Variants in C12orf56 observed in about 807,000 individuals in gnomAD.
The protein encoded by C12orf56 is uncharacterized protein C12orf56.
C12orf56 carries 71 observed loss-of-function variants against 69.9 expected under a neutral mutation model. The ratio of observed to expected loss-of-function variants is 1.02; its 90% confidence interval spans 0.84 to 1.24. C12orf56 has a LOEUF of 1.24. Among genes scored for constraint, C12orf56 ranks in the 50% most tolerant of loss-of-function variants. C12orf56 has a pLI of 0.00. For missense variants in C12orf56, 732 were observed against 738.5 expected, an observed-to-expected ratio of 0.99 and a Z score of 0.10; for synonymous variants, 276 against 274.1, an observed-to-expected ratio of 1.01 and a Z score of -0.07.
chr12:64,364,941 C>G (rs917678742), intron 1 of C12orf56, among the ~76,000 whole-genome samples: 2 of 152,024 alleles, frequency 1.3e-5, no homozygotes, highest in East Asian at 3.9e-4. Flanking sequence ...GCCCACTGCC[C>G]CATCCTTCCT....
chr12:64,303,180 A>G (rs1794345399), intron 6 of C12orf56, among the ~76,000 whole-genome samples: 1 of 151,862 alleles, frequency 6.6e-6, no homozygotes, highest in African/African-American at 2.4e-5. Flanking sequence ...AGGCTGAGGT[A>G]AGAGAATGGC....
Position 64,273,123 on chromosome 12 carries a change from G to A in C12orf56, c.1584+1778C>T, listed in dbSNP as rs944021988. ...AGCCTGGGCAACATGGCGAAACCCC[G>A]TCTGTACTAAAAAATACAAAATTTA... On this transcript the variant is annotated intron_variant, in intron 11 of 12. Transcript: ENST00000543942. Among the ~76,000 whole-genome samples the A allele has an allele frequency of 4.6e-5, 7 of 152,052 alleles. No individual in the cohort carries two copies. The East Asian group carries it at 5.8e-4, about 13-fold the overall frequency.
At chr12:64,331,599 T>A (rs1198736591) in intron 2 of C12orf56, among the ~76,000 whole-genome samples, 1 of 152,184 alleles carries the variant, frequency 6.6e-6, no homozygotes, top group African/African-American at 2.4e-5. Flanking sequence ...AGTACCCTTA[T>A]AAAAGGTTGA....
At chr12:64,308,967 G>GAAAGAAAGAAAGA (rs1565749107) in intron 5 of C12orf56, among the ~76,000 whole-genome samples, 6 of 117,294 alleles carry the variant, frequency 5.1e-5, no homozygotes, top group African/African-American at 1.6e-4. Flanking sequence ...AAGAAAGAAA[G>GAAAGAAAGAAAGA]AAAGAAAAGA....
intron 2 of C12orf56, among the ~76,000 whole-genome samples, chr12:64,345,212 G>T (rs2039124600): frequency 6.6e-6 from 1 of 152,162 alleles, no homozygotes; most frequent in Admixed American, 6.5e-5. Context: ...GGAACATTGG[G>T]GGGTGGGTCC....
intron 2 of C12orf56, among the ~76,000 whole-genome samples, chr12:64,344,586 G>T (rs1232296596): frequency 1.3e-5 from 2 of 152,118 alleles, no homozygotes; most frequent in Non-Finnish European, 2.9e-5. Context: ...GCCACCTCGG[G>T]ATCCAATTAT....
chr12:64,372,876 T>G (rs1017948383), intron 1 of C12orf56, among the ~76,000 whole-genome samples: 1 of 152,146 alleles, frequency 6.6e-6, no homozygotes, highest in Admixed American at 6.6e-5. Context: ...AAGCACATGC[T>G]TTTCCCTCCT....
chr12:64,312,776 T>C lies in C12orf56; in HGVS notation c.895-24A>G, dbSNP rs367846235. 1,190 of 1,496,138 alleles carry C rather than the reference T, an allele frequency of 8.0e-4. 7 individuals are homozygous for C. Among genetic ancestry groups the C allele is most frequent in the Middle Eastern group, 2.9e-3 (17 of 5,890 alleles). 92.7% of individuals were successfully genotyped at this position (1,496,138 alleles called of 1,614,324 possible). On this transcript the variant is annotated intron_variant, in intron 4 of 12. Coordinates refer to ENST00000543942, the MANE Select transcript of C12orf56 (RefSeq NM_001170633.2). ...TTCTGAAAAAGGAAAAAGTAGAAAT[T>C]GTTAGAATTTTTATTTACTGAAGAT...
At chr12:64,270,319 C>T (rs549814195) in intron 12 of C12orf56, among the ~76,000 whole-genome samples, 103 of 151,026 alleles carry the variant, frequency 6.8e-4, no homozygotes, top group African/African-American at 2.2e-3. Context: ...GAGAATTGCT[C>T]AAATCTGGGA....
At chr12:64,325,849 G>A (rs770935622) in intron 3 of C12orf56, among the ~76,000 whole-genome samples, 2 of 152,146 alleles carry the variant, frequency 1.3e-5, no homozygotes, top group Non-Finnish European at 2.9e-5. Context: ...TACAGTCTAG[G>A]TAAATGAATT....
chr12:64,371,160 G>C (rs375408934), intron 1 of C12orf56, among the ~76,000 whole-genome samples: 30 of 152,312 alleles, frequency 2.0e-4, no homozygotes, highest in Admixed American at 6.5e-4. Context: ...CGAGCACTTT[G>C]GGAGGCCGAG....
At chr12:64,278,609 C>G (rs537686236) in intron 8 of C12orf56, among the ~76,000 whole-genome samples, 59 of 152,178 alleles carry the variant, frequency 3.9e-4, no homozygotes, top group African/African-American at 1.4e-3. Flanking sequence ...ATAGTGAGAA[C>G]ACAAAATCTA....
chr12:64,345,788 T>C (rs73311866), intron 2 of C12orf56, among the ~76,000 whole-genome samples: 2,136 of 152,338 alleles, frequency 0.014, 52 homozygotes, highest in African/African-American at 0.049. Context: ...AGCTTCATTA[T>C]GTTCCTTGGT....
At position 64,390,588 on chromosome 12, in the gene C12orf56, G is replaced by A. The variant is rs2039857481; in HGVS notation, c.-23C>T. On this transcript the variant is annotated 5_prime_UTR_variant, in exon 1 of 13. Transcript: ENST00000543942. ...CATGCCCGGCGCCCGCAGCGTGGCG[G>A]AGTGCTGGGACTCGAGGCCCTCAGC... The A allele has an allele frequency of 2.6e-6, 4 of 1,531,234 alleles. No homozygotes were observed. The highest frequency in any genetic ancestry group is 1.4e-5 in the African/African-American group (1 of 72,380). The allele number at this position is 1,531,234 out of a possible 1,614,324, so 94.9% of individuals were successfully genotyped here.
chr12:64,317,236 C>T (rs1029389719), intron 4 of C12orf56, among the ~76,000 whole-genome samples: 1 of 151,820 alleles, frequency 6.6e-6, no homozygotes, highest in Non-Finnish European at 1.5e-5. Flanking sequence ...AATTTTTAGC[C>T]GTTTATAAAA....
chr12:64,311,438 A>G (rs1447529374), intron 5 of C12orf56, among the ~76,000 whole-genome samples: 1 of 151,096 alleles, frequency 6.6e-6, no homozygotes, highest in Non-Finnish European at 1.5e-5. Context: ...AAACAGAAAG[A>G]AAAAAAAAGT....
At chr12:64,270,287 A>G (rs1865789) in intron 12 of C12orf56, among the ~76,000 whole-genome samples, 141,129 of 152,042 alleles carry the variant, frequency 0.93, 66,400 homozygotes, top group East Asian at 1. Flanking sequence ...TGTAATCCCA[A>G]CTACTCAGGA....
intron 2 of C12orf56, among the ~76,000 whole-genome samples, chr12:64,334,602 T>C (rs1305199664): frequency 6.6e-6 from 1 of 152,194 alleles, no homozygotes; most frequent in Non-Finnish European, 1.5e-5. Flanking sequence ...AGTCTGTACA[T>C]GTACAACACA....
intron 8 of C12orf56, among the ~76,000 whole-genome samples, chr12:64,278,577 C>T (rs76940136): frequency 0.019 from 2,864 of 152,194 alleles, 88 homozygotes; most frequent in African/African-American, 0.065. Flanking sequence ...ACGTATGCAT[C>T]ACCTCACATG....
Sources: gnomAD v4.1 joint callset for allele counts (sites outside exome capture counted in the v4.1 genomes callset) on GRCh38, gnomAD v4.1.1 for gene constraint, MANE v1.5 for transcripts, NCBI Gene and HGNC (gene_info 2026-07-23, HGNC 2026-07-21) for gene names.